Variants in CRPPA observed in about 807,000 individuals in gnomAD.
CRPPA encodes D-ribitol-5-phosphate cytidylyltransferase.
CRPPA carries 43 observed loss-of-function variants against 52.0 expected under a neutral mutation model. The ratio of observed to expected loss-of-function variants is 0.83; its 90% CI spans 0.65 to 1.07. The LOEUF is 1.07. Ranked by LOEUF, CRPPA falls within the 50% of genes least tolerant of loss-of-function variation. The pLI is 0.00. For missense variants in CRPPA, 629 were observed against 551.7 expected (o/e 1.14, Z -1.40); for synonymous variants, 250 against 203.5 (o/e 1.23, Z -1.94).
chr7:16,311,037 A>G (rs1361712926), intron 3 of CRPPA, among the ~76,000 whole-genome samples: 1 of 152,268 alleles, frequency 6.6e-6, no homozygotes, highest in South Asian at 2.1e-4. Flanking sequence ...AAGACTTTAA[A>G]TATTAGGTTC....
At chr7:16,389,928 A>AAAAAAAAAATATATATAT in intron 2 of CRPPA, among the ~76,000 whole-genome samples, 4 of 29,760 alleles carry the variant, frequency 1.3e-4, no homozygotes, top group African/African-American at 5.2e-4. Flanking sequence ...AAAAAAAAAA[A>AAAAAAAAAATATATATAT]ATATATATAT....
intron 9 of CRPPA, among the ~76,000 whole-genome samples, chr7:16,137,093 A>G (rs1052112859): frequency 4.6e-5 from 7 of 152,252 alleles, no homozygotes; most frequent in Non-Finnish European, 1.0e-4. Flanking sequence ...CCCAAAATTC[A>G]TATGTTGAAA....
In CRPPA at chr7:16,421,313, C is replaced by G. The variant is rs1788333840; in HGVS notation, c.10G>C (p.Gly4Arg). ...GCCGGCCTGGCGCTGCCCGGCGGCC[C>G]GGCCTCCATGGCTGCGGGCGGAACG... MEA[G>R]PPGSARPAEP... The change falls in exon 1 of 10, where the codon GGG becomes CGG. Residue 4 changes from glycine (G) to arginine (R), a missense_variant. Transcript: ENST00000407010. 4 of 1,259,050 alleles carry G rather than the reference C, an allele frequency of 3.2e-6. No homozygotes were observed. The highest frequency in any genetic ancestry group is 3.0e-6 in the Non-Finnish European group (3 of 998,030). 78.0% of individuals were successfully genotyped at this position (1,259,050 alleles called of 1,614,324 possible).
At chr7:16,279,405 A>C (rs1784272478) in intron 5 of CRPPA, among the ~76,000 whole-genome samples, 1 of 152,230 alleles carries the variant, frequency 6.6e-6, no homozygotes, top group South Asian at 2.1e-4. Flanking sequence ...CTACAAGATC[A>C]GTATCATTCT....
chr7:16,283,877 A>G (rs1784369837), intron 5 of CRPPA, among the ~76,000 whole-genome samples: 1 of 152,078 alleles, frequency 6.6e-6, no homozygotes, highest in Non-Finnish European at 1.5e-5. Context: ...TTTAATAACT[A>G]CAGATATAGG....
intron 9 of CRPPA, among the ~76,000 whole-genome samples, chr7:16,211,555 T>A (rs150397100): frequency 6.6e-6 from 1 of 152,110 alleles, no homozygotes; most frequent in Non-Finnish European, 1.5e-5. Flanking sequence ...AACTTCTAAG[T>A]CTAACCTCAC....
intron 6 of CRPPA, among the ~76,000 whole-genome samples, chr7:16,273,928 T>C (rs1156911571): frequency 6.6e-6 from 1 of 152,168 alleles, no homozygotes; most frequent in Non-Finnish European, 1.5e-5. Flanking sequence ...GGTGGAGAGC[T>C]GTGGGCTGAT....
At chr7:16,209,247 C>A (rs561811955) in intron 9 of CRPPA, 3 of 252,064 alleles carry the variant, frequency 1.2e-5, no homozygotes, top group South Asian at 7.5e-5. Flanking sequence ...AGAAGAGACA[C>A]GGCCAAGTAA....
intron 8 of CRPPA, among the ~76,000 whole-genome samples, chr7:16,250,952 A>C (rs1295160): frequency 0.79 from 120,049 of 151,952 alleles, 48,193 homozygotes; most frequent in African/African-American, 0.94. Context: ...ACAGTCAAGA[A>C]CCATCAGTGT....
chr7:16,404,387 ATTTTAATATGTTCTATT>A, intron 2 of CRPPA, among the ~76,000 whole-genome samples: 1 of 152,162 alleles, frequency 6.6e-6, no homozygotes, highest in East Asian at 1.9e-4. Context: ...ACTGCTATGT[ATTTTAATATGTTCTATT>A]AAATCACATG....
intron 9 of CRPPA, among the ~76,000 whole-genome samples, chr7:16,192,272 A>T (rs980370658): frequency 6.6e-6 from 1 of 151,978 alleles, no homozygotes; most frequent in Non-Finnish European, 1.5e-5. Flanking sequence ...AAGAATATAT[A>T]TATTCTATTG....
intron 6 of CRPPA, among the ~76,000 whole-genome samples, chr7:16,272,313 G>T (rs891719629): frequency 6.6e-6 from 1 of 152,174 alleles, no homozygotes; most frequent in African/African-American, 2.4e-5. Flanking sequence ...TATCATTAAA[G>T]TTAGATGTTT....
intron 9 of CRPPA, among the ~76,000 whole-genome samples, chr7:16,215,000 C>A (rs1435076632): frequency 6.6e-6 from 1 of 152,112 alleles, no homozygotes; most frequent in East Asian, 1.9e-4. Context: ...TGAGGTCATG[C>A]TTGCATATTT....
chr7:16,387,090 C>CACATATATATATATAT (rs1562671760), intron 2 of CRPPA, among the ~76,000 whole-genome samples: 1 of 43,160 alleles, frequency 2.3e-5, no homozygotes, highest in African/African-American at 9.5e-5. Context: ...TATATATACA[C>CACATATATATATATAT]ACATATATAT....
At chr7:16,161,058 T>C (rs906273893) in intron 9 of CRPPA, among the ~76,000 whole-genome samples, 2 of 152,212 alleles carry the variant, frequency 1.3e-5, no homozygotes, top group African/African-American at 4.8e-5. Flanking sequence ...TAAGGAGTTT[T>C]TGGGCTGAGA....
chr7:16,130,082 A>G (rs1782653363), intron 9 of CRPPA, among the ~76,000 whole-genome samples: 1 of 152,198 alleles, frequency 6.6e-6, no homozygotes. Flanking sequence ...CCCCTCAAGA[A>G]AATCCATTGT....
intron 2 of CRPPA, among the ~76,000 whole-genome samples, chr7:16,385,014 A>G (rs1787218508): frequency 6.6e-6 from 1 of 152,232 alleles, no homozygotes; most frequent in African/African-American, 2.4e-5. Flanking sequence ...TCTAGAATTG[A>G]AAAGTATAAC....
chr7:16,285,654 C>T (rs1784409862), intron 5 of CRPPA, among the ~76,000 whole-genome samples: 1 of 151,782 alleles, frequency 6.6e-6, no homozygotes, highest in South Asian at 2.1e-4. Context: ...GTTAAGAAGC[C>T]CAAATTTTTC....
intron 3 of CRPPA, among the ~76,000 whole-genome samples, chr7:16,344,405 CA>C (rs35320924): frequency 0.037 from 3,707 of 99,304 alleles, 157 homozygotes; most frequent in African/African-American, 0.13. Flanking sequence ...TATCTCTACC[CA>C]AAAAAAAAAA....
Sources: gnomAD v4.1 joint callset for allele counts (sites outside exome capture counted in the v4.1 genomes callset) on GRCh38, gnomAD v4.1.1 for gene constraint, MANE v1.5 for transcripts, NCBI Gene and HGNC (gene_info 2026-07-23, HGNC 2026-07-21) for gene names.